Variants in SLC9A2 observed in about 807,000 individuals in gnomAD.
SLC9A2 encodes the protein sodium/hydrogen exchanger 2.
Under a neutral mutation model 71.7 loss-of-function variants are expected in SLC9A2, and 42 were observed. The ratio of observed to expected loss-of-function variants is 0.59; its 90% CI spans 0.46 to 0.76. The LOEUF (loss-of-function observed/expected upper bound fraction) is 0.76. Ranked by LOEUF, SLC9A2 falls within the 30% of genes least tolerant of loss-of-function variation. SLC9A2 has a pLI of 0.00. For synonymous variants in SLC9A2, 396 were observed against 392.5 expected, an observed-to-expected ratio of 1.01 and a Z score of -0.10; for missense variants, 829 against 1,017.4, an observed-to-expected ratio of 0.81 and a Z score of 2.52.
intron 1 of SLC9A2, among the ~76,000 whole-genome samples, chr2:102,638,685 T>A (rs1437900353): frequency 6.6e-6 from 1 of 152,236 alleles, no homozygotes; most frequent in Non-Finnish European, 1.5e-5. Flanking sequence ...AGTGTGGAGA[T>A]GCACTTTCTT....
chr2:102,654,590 C>T (rs1676902489), intron 1 of SLC9A2, among the ~76,000 whole-genome samples: 1 of 152,158 alleles, frequency 6.6e-6, no homozygotes, highest in South Asian at 2.1e-4. Flanking sequence ...TTTGTAAGCT[C>T]TTAAGGATTT....
chr2:102,693,030 T>A (rs1276261205), intron 5 of SLC9A2, among the ~76,000 whole-genome samples: 1 of 151,470 alleles, frequency 6.6e-6, no homozygotes, highest in African/African-American at 2.4e-5. Flanking sequence ...CATATACTTA[T>A]TAGATACTAG....
rs368171849 is a variant in SLC9A2, at chr2:102,661,996, G to A, written c.754-3104G>A. Among the ~76,000 whole-genome samples, 62 of 152,308 alleles carry A rather than the reference G, an allele frequency of 4.1e-4. 2 individuals carry two copies. In the South Asian group the frequency reaches 0.011, roughly 27 times the overall value. ...GTTGTAACCAGAAGAATTTTATCTC[G>A]TGCTGATCACTAACTAGGTATCAGG... On this transcript the variant is annotated intron_variant, in intron 2 of 11. Transcript: ENST00000233969.
rs1370348530 is a variant in SLC9A2, at chr2:102,708,099, T to A, written c.2069-20T>A. 1 of 1,595,874 alleles carries A rather than the reference T, an allele frequency of 6.3e-7. No homozygotes were observed. ...TTCTCTCTAAAATGCTTGCCCACCT[T>A]GTCTTTTGCTCCGTGATAGATGGCA... On this transcript the variant is annotated intron_variant, in intron 11 of 11. Coordinates refer to ENST00000233969, the MANE Select transcript of SLC9A2 (RefSeq NM_003048.6).
chr2:102,620,190 C>CT, intron 1 of SLC9A2, 53 bp downstream of exon 1: 1 of 1,512,974 alleles, frequency 6.6e-7, no homozygotes, highest in Non-Finnish European at 9.0e-7. Context: ...GGGGGGACAC[C>CT]TGGAGGGTGA....
At chr2:102,622,616 A>G (rs1156833150) in intron 1 of SLC9A2, among the ~76,000 whole-genome samples, 1 of 152,210 alleles carries the variant, frequency 6.6e-6, no homozygotes, top group Admixed American at 6.5e-5. Flanking sequence ...CCAGAATTCC[A>G]GCCAGGTCTG....
In SLC9A2 at chr2:102,709,741, T is replaced by G. The variant is rs1678066397; in HGVS notation, c.*1252T>G. 1 of 152,708 alleles carries G rather than the reference T, an allele frequency of 6.5e-6. No homozygotes were observed. Among genetic ancestry groups the G allele is most frequent in the South Asian group, 2.1e-4 (1 of 4,830 alleles). The allele number at this position is 152,708 out of a possible 1,614,324, so 9.5% of individuals were successfully genotyped here. A position where few individuals can be genotyped will look rare whatever the true frequency, so the allele number is the denominator to read the frequency against. On this transcript the variant is annotated 3_prime_UTR_variant, in exon 12 of 12. Transcript: ENST00000233969. ...CAGCAGAAAGAAAAGAAGTGGAACA[T>G]AAGCATTCAAGATTAATATTTGATT...
intron 3 of SLC9A2, among the ~76,000 whole-genome samples, chr2:102,679,790 A>G (rs2104536830): frequency 6.6e-6 from 1 of 152,340 alleles, no homozygotes; most frequent in South Asian, 2.1e-4. Flanking sequence ...GAATGATATG[A>G]ACATAATTTC....
At position 102,701,039 on chromosome 2, in the gene SLC9A2, A is replaced by G. The variant is rs368559681; in HGVS notation, c.1587-31A>G. On this transcript the variant is annotated intron_variant, in intron 7 of 11. Coordinates refer to ENST00000233969, the MANE Select transcript of SLC9A2 (RefSeq NM_003048.6). ...CAACTATTTTCTTAGTCAATCCAGTATTAATTTATTGAAAGTTTCTTTATT... is the reference window on the plus strand; with the variant it reads ...CAACTATTTTCTTAGTCAATCCAGTGTTAATTTATTGAAAGTTTCTTTATT... The G allele has an allele frequency of 2.1e-5, 31 of 1,453,898 alleles. No homozygotes were observed. The African/African-American group carries it at 3.8e-4, about 18-fold the overall frequency. The allele number at this position is 1,453,898 out of a possible 1,614,324, so 90.1% of individuals were successfully genotyped here.
At chr2:102,632,640 G>A (rs1676398596) in intron 1 of SLC9A2, among the ~76,000 whole-genome samples, 1 of 151,968 alleles carries the variant, frequency 6.6e-6, no homozygotes, top group African/African-American at 2.4e-5. Flanking sequence ...GTAGGGCAGG[G>A]GAATTCCACC....
At chr2:102,685,812 A>C (rs898715406) in intron 5 of SLC9A2, among the ~76,000 whole-genome samples, 3 of 152,168 alleles carry the variant, frequency 2.0e-5, no homozygotes, top group African/African-American at 7.2e-5. Context: ...GATACGGATG[A>C]GGCAGATATT....
At chr2:102,689,687 C>A (rs986405453) in intron 5 of SLC9A2, 4 of 152,056 alleles carry the variant, frequency 2.6e-5, no homozygotes, top group Admixed American at 6.5e-5. Flanking sequence ...GATGATCAGG[C>A]TTTTTTAAGA....
intron 1 of SLC9A2, among the ~76,000 whole-genome samples, chr2:102,650,213 A>C (rs960141716): frequency 1.3e-5 from 2 of 152,206 alleles, no homozygotes; most frequent in Non-Finnish European, 2.9e-5. Context: ...GCAAACTAAC[A>C]CAGGAACAGA....
At chr2:102,687,727 G>C (rs2104543100) in intron 5 of SLC9A2, among the ~76,000 whole-genome samples, 1 of 152,116 alleles carries the variant, frequency 6.6e-6, no homozygotes, top group Non-Finnish European at 1.5e-5. Flanking sequence ...AGCAAGCGAT[G>C]TAGTCCCTTT....
At position 102,695,789 on chromosome 2, in the gene SLC9A2, T is replaced by TTATA. The variant is rs1226558409; in HGVS notation, c.1586+684_1586+687dup. 3.2e-3 allele frequency among the ~76,000 whole-genome samples: 120 copies of TTATA among 37,112 alleles called. 3 individuals carry two copies. Among genetic ancestry groups the TTATA allele is most frequent in the Non-Finnish European group, 5.3e-3 (99 of 18,600 alleles). 24.3% of individuals were successfully genotyped at this position (37,112 alleles called of 152,430 possible). On this transcript the variant is annotated intron_variant, in intron 7 of 11. Coordinates refer to ENST00000233969, the MANE Select transcript of SLC9A2 (RefSeq NM_003048.6). Reference sequence around the variant, plus strand: ...ATATATAATATATATTATATATATATTATATATATATTATATATATATATA... The same window carrying TTATA: ...ATATATAATATATATTATATATATATTATATATATATATATTATATATATATATA...
intron 3 of SLC9A2, among the ~76,000 whole-genome samples, chr2:102,677,689 C>G (rs754038070): frequency 1.4e-4 from 21 of 152,138 alleles, no homozygotes; most frequent in South Asian, 6.2e-4. Flanking sequence ...AAAATACATG[C>G]CAGACACTAT....
chr2:102,694,898 T>A, intron 6 of SLC9A2, 145 bp from the exon 7 acceptor site: 1 of 653,852 alleles, frequency 1.5e-6, no homozygotes, highest in Non-Finnish European at 2.6e-6. Context: ...GAAAATGAAC[T>A]GTTTTATTGC....
intron 3 of SLC9A2, among the ~76,000 whole-genome samples, chr2:102,671,991 A>G (rs1677260276): frequency 6.6e-6 from 1 of 152,072 alleles, no homozygotes; most frequent in Non-Finnish European, 1.5e-5. Context: ...CTGTAATCCC[A>G]GCTGCTACTT....
intron 1 of SLC9A2, among the ~76,000 whole-genome samples, chr2:102,622,000 A>T (rs757617845): frequency 6.6e-6 from 1 of 152,328 alleles, no homozygotes; most frequent in East Asian, 1.9e-4. Flanking sequence ...GCCAGATAAG[A>T]TTAATTAGAG....
Sources: gnomAD v4.1 joint callset for allele counts (sites outside exome capture counted in the v4.1 genomes callset) on GRCh38, gnomAD v4.1.1 for gene constraint, MANE v1.5 for transcripts, NCBI Gene and HGNC (gene_info 2026-07-23, HGNC 2026-07-21) for gene names.